Variants in ANK3 observed in about 807,000 individuals in gnomAD.
ANK3 encodes the protein ankyrin 3.
ANK3 carries 57 observed loss-of-function variants against 370.9 expected under a neutral mutation model. The ratio of observed to expected loss-of-function variants is 0.15; its 90% CI spans 0.12 to 0.19. ANK3 has a LOEUF of 0.19. Ranked by LOEUF, ANK3 falls within the 10% of genes least tolerant of loss-of-function variation. The pLI, the probability that ANK3 is intolerant of heterozygous loss-of-function variation, is 1.00. For synonymous variants in ANK3, 1,929 were observed against 1,946.3 expected (o/e 0.99, Z 0.23); for missense variants, 4,439 against 5,302.1 (o/e 0.84, Z 5.06).
chr10:60,339,442 G>A (rs2053757866), intron 1 of ANK3, among the ~76,000 whole-genome samples: 1 of 152,000 alleles, frequency 6.6e-6, no homozygotes, highest in Non-Finnish European at 1.5e-5. Context: ...CTCTCATATG[G>A]TCTCTGAATC....
At chr10:60,520,189 C>T (rs974167858) in intron 2 of ANK3, among the ~76,000 whole-genome samples, 1 of 152,040 alleles carries the variant, frequency 6.6e-6, no homozygotes, top group Non-Finnish European at 1.5e-5. Flanking sequence ...AAACAGAAAA[C>T]CAAATTCTGC....
At chr10:60,504,520 C>G (rs577466312) in intron 2 of ANK3, among the ~76,000 whole-genome samples, 1 of 152,106 alleles carries the variant, frequency 6.6e-6, no homozygotes, top group East Asian at 1.9e-4. Flanking sequence ...AATATTGCAG[C>G]AAGAAGTCCA....
At chr10:60,712,804 GT>G (rs1469276294) in intron 1 of ANK3, among the ~76,000 whole-genome samples, 1 of 152,184 alleles carries the variant, frequency 6.6e-6, no homozygotes, top group Non-Finnish European at 1.5e-5. Flanking sequence ...GACAGCTGAT[GT>G]AGCTATATTA....
chr10:60,036,512 T>C (rs2075035097), intron 43 of ANK3, among the ~76,000 whole-genome samples: 2 of 135,960 alleles, frequency 1.5e-5, no homozygotes, highest in Non-Finnish European at 1.5e-5. Context: ...CTAGGCTCAC[T>C]GAAAGCTCCA....
At chr10:60,677,815 G>T in intron 1 of ANK3, among the ~76,000 whole-genome samples, 1 of 144,680 alleles carries the variant, frequency 6.9e-6, no homozygotes, top group East Asian at 2.0e-4. Context: ...GAAAAGAAAA[G>T]AAAAAGAAAG....
chr10:60,664,071 C>T (rs35068727), intron 1 of ANK3, among the ~76,000 whole-genome samples: 1,683 of 152,272 alleles, frequency 0.011, 12 homozygotes, highest in Middle Eastern at 0.02. Flanking sequence ...GTTTACCCAC[C>T]CACTCAGCTT....
rs141293987 is a variant in ANK3, at chr10:60,261,471, G to T, written c.798+388C>A. Among the ~76,000 whole-genome samples, 535 of 152,292 alleles carry T rather than the reference G, an allele frequency of 3.5e-3. 8 individuals carry two copies. The highest frequency in any genetic ancestry group is 0.012 in the African/African-American group (511 of 41,566). On this transcript the variant is annotated intron_variant, in intron 7 of 43. Transcript: ENST00000280772. Reference sequence around the variant, plus strand: ...GTTTAGGCCTCACCCAGGTATTCCAGAACATTCCCATTGTAAGGTCAAGAC... The same window carrying T: ...GTTTAGGCCTCACCCAGGTATTCCATAACATTCCCATTGTAAGGTCAAGAC...
chr10:60,365,423 A>G (rs952195367), intron 1 of ANK3, among the ~76,000 whole-genome samples: 21 of 152,178 alleles, frequency 1.4e-4, no homozygotes, highest in African/African-American at 5.1e-4. Context: ...AAATCTCTAA[A>G]ACAATAAAGG....
At chr10:60,527,852 G>A (rs1220558066) in intron 2 of ANK3, among the ~76,000 whole-genome samples, 1 of 152,014 alleles carries the variant, frequency 6.6e-6, no homozygotes, top group East Asian at 1.9e-4. Context: ...CAAGATTAGA[G>A]CCCAAATTCC....
At chr10:60,566,534 C>T (rs965945602) in intron 2 of ANK3, among the ~76,000 whole-genome samples, 22 of 152,178 alleles carry the variant, frequency 1.4e-4, no homozygotes, top group Non-Finnish European at 3.2e-4. Flanking sequence ...GCAAGATAGC[C>T]TTATTGCTGC....
At chr10:60,429,114 G>A (rs1434195333) in intron 2 of ANK3, among the ~76,000 whole-genome samples, 1 of 152,098 alleles carries the variant, frequency 6.6e-6, no homozygotes, top group East Asian at 1.9e-4. Context: ...TTTATGACAG[G>A]CAAAAACCCA....
intron 2 of ANK3, among the ~76,000 whole-genome samples, chr10:60,395,061 T>G (rs902473960): frequency 1.3e-5 from 2 of 152,192 alleles, no homozygotes; most frequent in African/African-American, 4.8e-5. Flanking sequence ...AATTTCAAAT[T>G]AAAATTGATA....
intron 4 of ANK3, among the ~76,000 whole-genome samples, chr10:60,271,454 G>A (rs2097982793): frequency 6.6e-6 from 1 of 152,078 alleles, no homozygotes; most frequent in Admixed American, 6.6e-5. Context: ...CCATCTGCCT[G>A]CCTTGGCCTC....
chr10:60,166,781 C>T (rs1177723315), intron 22 of ANK3, 43 bp downstream of exon 22: 7 of 1,598,670 alleles, frequency 4.4e-6, no homozygotes, highest in South Asian at 2.2e-5. Flanking sequence ...ACAAAATACA[C>T]AGTCACTTAT....
chr10:60,174,965 C>T (rs555140082), intron 18 of ANK3, among the ~76,000 whole-genome samples: 1 of 152,308 alleles, frequency 6.6e-6, no homozygotes, highest in East Asian at 1.9e-4. Flanking sequence ...AGTGATCTTC[C>T]TGCCTTGGCC....
chr10:60,493,073 CCTT>C (rs1258267484), intron 2 of ANK3, among the ~76,000 whole-genome samples: 4 of 135,380 alleles, frequency 3.0e-5, no homozygotes, highest in Non-Finnish European at 6.3e-5. Context: ...GAGCGAGACT[CCTT>C]CTCAAAAAAA....
At chr10:60,143,967 CAA>C (rs890994932) in intron 23 of ANK3, among the ~76,000 whole-genome samples, 4 of 151,884 alleles carry the variant, frequency 2.6e-5, no homozygotes, top group African/African-American at 7.3e-5. Context: ...AAAAGAGAGT[CAA>C]AGAGAGAGAG....
At chr10:60,454,802 G>A (rs1164399994) in intron 2 of ANK3, among the ~76,000 whole-genome samples, 2 of 152,078 alleles carry the variant, frequency 1.3e-5, no homozygotes, top group African/African-American at 4.8e-5. Context: ...GGTTATTACT[G>A]GAAAAATTCA....
At chr10:60,247,925 C>T (rs1022316192) in intron 7 of ANK3, among the ~76,000 whole-genome samples, 2 of 152,150 alleles carry the variant, frequency 1.3e-5, no homozygotes, top group African/African-American at 4.8e-5. Context: ...CCTCAGCCTC[C>T]CAAAGTGCTG....
Sources: gnomAD v4.1 joint callset for allele counts (sites outside exome capture counted in the v4.1 genomes callset) on GRCh38, gnomAD v4.1.1 for gene constraint, MANE v1.5 for transcripts, NCBI Gene and HGNC (gene_info 2026-07-23, HGNC 2026-07-21) for gene names.